The following CD200 variants were observed in gnomAD, a reference collection of about 807,000 sequenced individuals.
CD200 encodes CD200 molecule, also known as OX-2 membrane glycoprotein.
A neutral mutation model predicts 30.9 loss-of-function variants in CD200; 15 were observed. The observed-to-expected ratio is 0.49, with a 90% CI of 0.32 to 0.75. The LOEUF is 0.75. CD200 is among the 30% of genes least tolerant of loss of function. The pLI, the probability that CD200 is intolerant of heterozygous loss-of-function variation, is 0.03. For missense variants in CD200, 262 were observed against 324.2 expected, an observed-to-expected ratio of 0.81 and a Z score of 1.47; for synonymous variants, 134 against 126.2, an observed-to-expected ratio of 1.06 and a Z score of -0.41.
intron 2 of CD200, among the ~76,000 whole-genome samples, chr3:112,343,017 C>T (rs1229042240): frequency 6.6e-6 from 1 of 151,842 alleles, no homozygotes; most frequent in African/African-American, 2.4e-5. Context: ...CTTATGATAT[C>T]TTTATTCATT....
intron 5 of CD200, among the ~76,000 whole-genome samples, chr3:112,352,887 G>A (rs1382671507): frequency 1.3e-5 from 2 of 152,098 alleles, no homozygotes; most frequent in Non-Finnish European, 2.9e-5. Context: ...GCATGACGTT[G>A]GTTTTTTCCA....
intron 2 of CD200, among the ~76,000 whole-genome samples, chr3:112,341,388 T>C (rs1384771772): frequency 2.6e-5 from 4 of 152,224 alleles, no homozygotes; most frequent in Non-Finnish European, 5.9e-5. Context: ...CAGAAAAATG[T>C]AGAAAACAAC....
intron 5 of CD200, 139 bp downstream of exon 5, chr3:112,349,958 G>T (rs2081499483): frequency 7.5e-7 from 1 of 1,332,496 alleles, no homozygotes; most frequent in South Asian, 2.3e-5. Context: ...CAGAAATGTT[G>T]ATACTGTTTT....
At chr3:112,359,033 G>A (rs17447803) in intron 5 of CD200, among the ~76,000 whole-genome samples, 35,264 of 152,022 alleles carry the variant, frequency 0.23, 4,345 homozygotes, top group Non-Finnish European at 0.28. Context: ...CAAATTAACC[G>A]GTACTTCAGG....
At chr3:112,337,434 T>C (rs1386263740) in intron 1 of CD200, among the ~76,000 whole-genome samples, 2 of 151,976 alleles carry the variant, frequency 1.3e-5, no homozygotes, top group Non-Finnish European at 2.9e-5. Flanking sequence ...AATTGCGTGG[T>C]GCGTTTAGAA....
chr3:112,341,524 C>T (rs945883504), intron 2 of CD200, among the ~76,000 whole-genome samples: 18 of 152,302 alleles, frequency 1.2e-4, no homozygotes, highest in African/African-American at 4.1e-4. Flanking sequence ...CTCACTTTAC[C>T]ACTGGCCTTT....
chr3:112,351,421 A>G (rs1576617620), intron 5 of CD200, among the ~76,000 whole-genome samples: 1 of 152,342 alleles, frequency 6.6e-6, no homozygotes, highest in South Asian at 2.1e-4. Context: ...CTCAAGCCTG[A>G]GGTAAATTCT....
At chr3:112,342,375 T>TC (rs1477873770) in intron 2 of CD200, among the ~76,000 whole-genome samples, 1 of 46,988 alleles carries the variant, frequency 2.1e-5, no homozygotes, top group Admixed American at 2.5e-4. Flanking sequence ...CTTTCTTTCT[T>TC]TCTTTCTTTC....
In CD200 at chr3:112,355,633, A is replaced by G. The variant is rs1214994910; in HGVS notation, c.802+5814A>G. Among the ~76,000 whole-genome samples, 3 of 152,218 alleles carry G rather than the reference A, an allele frequency of 2.0e-5. No homozygotes were observed. The South Asian group carries it at 6.2e-4, about 31-fold the overall frequency. On this transcript the variant is annotated intron_variant, in intron 5 of 5. Transcript: ENST00000315711. ...TAACGTATTAAACCGGGAATTTCTC[A>G]GTCCCTAATACTTGCAGAGTCATGT...
intron 5 of CD200, among the ~76,000 whole-genome samples, chr3:112,352,388 T>C (rs1336822843): frequency 6.6e-6 from 1 of 152,210 alleles, no homozygotes; most frequent in African/African-American, 2.4e-5. Context: ...CTTACTTTTC[T>C]TTTCTTTCTC....
Position 112,342,307 on chromosome 3 carries a change from TTTC to T in CD200, c.94+1330_94+1332del, listed in dbSNP as rs1209385890. 4.1e-4 allele frequency among the ~76,000 whole-genome samples: 12 copies of T among 29,560 alleles called. 1 individual carries two copies. Among genetic ancestry groups the T allele is most frequent in the African/African-American group, 1.5e-3 (10 of 6,774 alleles). The allele number at this position is 29,560 out of a possible 152,430, so 19.4% of individuals were successfully genotyped here. On this transcript the variant is annotated intron_variant, in intron 2 of 5. Coordinates refer to ENST00000315711, the MANE Select transcript of CD200 (RefSeq NM_005944.7). ...CTTCCTTCCTTCCTTCCTTCCTTCC[TTTC>T]TTCTTTCTTTCTTTCTTTCTTTCTT... is the stretch of plus-strand genomic sequence containing the variant.
chr3:112,349,439 C>A (rs112494018), intron 4 of CD200, among the ~76,000 whole-genome samples: 60 of 152,230 alleles, frequency 3.9e-4, no homozygotes, highest in Middle Eastern at 3.4e-3. Flanking sequence ...TTCTCAAAGC[C>A]TCAGTTTTCT....
intron 5 of CD200, among the ~76,000 whole-genome samples, chr3:112,358,157 C>A (rs548715344): frequency 6.6e-6 from 1 of 152,294 alleles, no homozygotes; most frequent in East Asian, 1.9e-4. Flanking sequence ...ACATAACATG[C>A]AGTACGTGTT....
intron 1 of CD200, among the ~76,000 whole-genome samples, chr3:112,340,222 C>T (rs540795763): frequency 6.6e-6 from 1 of 152,236 alleles, no homozygotes; most frequent in African/African-American, 2.4e-5. Context: ...ATCCATGGCA[C>T]TATTGCAGAG....
intron 3 of CD200, among the ~76,000 whole-genome samples, chr3:112,346,073 G>T (rs2108448262): frequency 6.6e-6 from 1 of 152,138 alleles, no homozygotes; most frequent in East Asian, 1.9e-4. Flanking sequence ...TTGCCCACAG[G>T]GAAGAAAAGG....
Position 112,349,880 on chromosome 3 carries a change from T to C in CD200, c.802+61T>C, listed in dbSNP as rs115952260. The C allele has an allele frequency of 2.2e-3, 3,301 of 1,515,822 alleles. 66 individuals are homozygous for C. In the African/African-American group the frequency reaches 0.04, roughly 18 times the overall value. The allele number at this position is 1,515,822 out of a possible 1,614,324, so 93.9% of individuals were successfully genotyped here. A position where few individuals can be genotyped will look rare whatever the true frequency, so the allele number is the denominator to read the frequency against. On this transcript the variant is annotated intron_variant, in intron 5 of 5. Coordinates refer to ENST00000315711, the MANE Select transcript of CD200 (RefSeq NM_005944.7). ...ATTAAATTTGATTTTTAATGACAATTTGTGAGTCATTTGAAGATATAAATA... is the reference window on the plus strand; with the variant it reads ...ATTAAATTTGATTTTTAATGACAATCTGTGAGTCATTTGAAGATATAAATA...
intron 5 of CD200, among the ~76,000 whole-genome samples, chr3:112,359,018 T>G (rs760353104): frequency 1.3e-5 from 2 of 152,200 alleles, no homozygotes; most frequent in Non-Finnish European, 2.9e-5. Context: ...TGTCCTGTGT[T>G]TTTGCAAATT....
At chr3:112,347,921 A>T in intron 4 of CD200, 91 bp downstream of exon 4, 1 of 1,132,802 alleles carries the variant, frequency 8.8e-7, no homozygotes. Flanking sequence ...TCAGCCTCTT[A>T]GCATAATCTA....
At chr3:112,343,115 G>T (rs2081305798) in intron 2 of CD200, among the ~76,000 whole-genome samples, 1 of 151,714 alleles carries the variant, frequency 6.6e-6, no homozygotes, top group African/African-American at 2.4e-5. Flanking sequence ...TTATTATGTT[G>T]AGATTTTCCA....
Sources: allele counts gnomAD v4.1 joint callset (sites outside exome capture counted in the v4.1 genomes callset), GRCh38; gene constraint gnomAD v4.1.1; transcripts MANE v1.5; gene names NCBI Gene and HGNC (gene_info 2026-07-23, HGNC 2026-07-21).